KCNMB2: variants seen among roughly 807,000 people sequenced by gnomAD.
KCNMB2 encodes the protein potassium calcium-activated channel subfamily M regulatory beta subunit 2.
Under a neutral mutation model 24.5 loss-of-function variants are expected in KCNMB2, and 9 were observed. The observed-to-expected ratio is 0.37, with a 90% CI of 0.22 to 0.64. The LOEUF (loss-of-function observed/expected upper bound fraction) is 0.64. KCNMB2 is among the 30% of genes least tolerant of loss of function. The pLI is 0.63. For missense variants in KCNMB2, 226 were observed against 284.3 expected, an observed-to-expected ratio of 0.79 and a Z score of 1.47; for synonymous variants, 109 against 104.4, an observed-to-expected ratio of 1.04 and a Z score of -0.27.
Position 178,549,926 on chromosome 3 carries a change from AT to A in KCNMB2, c.-68+13224del, listed in dbSNP as rs201830065. ...ATGTAACTTATAAAAAAGTATGCAT[AT>A]TTTTTTTTCTCTTCAGCTATCTTTC... On this transcript the variant is annotated intron_variant, in intron 1 of 4. Coordinates refer to ENST00000452583, the MANE Select transcript of KCNMB2 (RefSeq NM_181361.3). Among the ~76,000 whole-genome samples, 613 of 151,264 alleles carry A rather than the reference AT, an allele frequency of 4.1e-3. 5 individuals carry two copies. The highest frequency in any genetic ancestry group is 0.014 in the African/African-American group (577 of 41,258).
At chr3:178,790,495 G>A (rs1713278641) in intron 1 of KCNMB2, among the ~76,000 whole-genome samples, 1 of 152,164 alleles carries the variant, frequency 6.6e-6, no homozygotes, top group African/African-American at 2.4e-5. Flanking sequence ...GTTCCTGAAT[G>A]GCATTTCTGG....
At chr3:178,541,270 T>C (rs948613754) in intron 1 of KCNMB2, among the ~76,000 whole-genome samples, 1 of 152,240 alleles carries the variant, frequency 6.6e-6, no homozygotes, top group Non-Finnish European at 1.5e-5. Flanking sequence ...CGATGACTTC[T>C]ATTTCAAAAA....
At chr3:178,715,183 T>C (rs1158233587) in intron 1 of KCNMB2, among the ~76,000 whole-genome samples, 1 of 152,184 alleles carries the variant, frequency 6.6e-6, no homozygotes, top group African/African-American at 2.4e-5. Flanking sequence ...GGGCTGATTA[T>C]TGCCTCATGC....
chr3:178,571,447 G>GAT (rs71181237), intron 1 of KCNMB2, among the ~76,000 whole-genome samples: 3,580 of 90,116 alleles, frequency 0.04, 168 homozygotes, highest in East Asian at 0.054. Context: ...TTTCCTTATG[G>GAT]ATATATATAT....
intron 1 of KCNMB2, among the ~76,000 whole-genome samples, chr3:178,691,738 A>G (rs1721686257): frequency 1.3e-5 from 2 of 152,164 alleles, no homozygotes; most frequent in African/African-American, 4.8e-5. Flanking sequence ...GTGTCTTTAT[A>G]ATAGAACAAT....
chr3:178,538,692 A>G (rs1040395211), intron 1 of KCNMB2, among the ~76,000 whole-genome samples: 82 of 152,202 alleles, frequency 5.4e-4, no homozygotes, highest in African/African-American at 2.0e-3. Context: ...CAGATTGATG[A>G]GGAAAAAGTT....
At chr3:178,774,451 G>C (rs777637289) in intron 1 of KCNMB2, among the ~76,000 whole-genome samples, 10 of 152,172 alleles carry the variant, frequency 6.6e-5, no homozygotes, top group Non-Finnish European at 8.8e-5. Flanking sequence ...TAAATCTAGA[G>C]CAGGTGAGTA....
At chr3:178,646,365 T>C (rs1296224796) in intron 1 of KCNMB2, among the ~76,000 whole-genome samples, 1 of 152,234 alleles carries the variant, frequency 6.6e-6, no homozygotes, top group Non-Finnish European at 1.5e-5. Context: ...CATTAATTTG[T>C]TTCCTCTACA....
chr3:178,682,398 G>T (rs754081679), intron 1 of KCNMB2, among the ~76,000 whole-genome samples: 16 of 151,884 alleles, frequency 1.1e-4, no homozygotes, highest in Non-Finnish European at 2.1e-4. Flanking sequence ...ACAATCACAA[G>T]AACATAATCC....
At chr3:178,673,223 T>G (rs1340285629) in intron 1 of KCNMB2, among the ~76,000 whole-genome samples, 2 of 152,138 alleles carry the variant, frequency 1.3e-5, no homozygotes, top group Non-Finnish European at 2.9e-5. Context: ...GCTTGTACCC[T>G]TCAGTTTATT....
chr3:178,723,592 T>C (rs1315077071), intron 1 of KCNMB2, among the ~76,000 whole-genome samples: 2 of 152,138 alleles, frequency 1.3e-5, no homozygotes, highest in African/African-American at 4.8e-5. Context: ...GTTGCCTAAG[T>C]AGTGAATATA....
chr3:178,578,887 A>G (rs1717094831), intron 1 of KCNMB2, among the ~76,000 whole-genome samples: 1 of 152,148 alleles, frequency 6.6e-6, no homozygotes, highest in Admixed American at 6.6e-5. Flanking sequence ...GTTCTTAGAG[A>G]CCTACAAAGA....
In KCNMB2 at chr3:178,796,267, C is replaced by T. The variant is rs147563210; in HGVS notation, c.-67-11076C>T. ...CACTGGAGCCCCTAGATATAAAAAG[C>T]AAATATTAGAGCTAAAGCAAGAGAT... On this transcript the variant is annotated intron_variant, in intron 1 of 4. Coordinates refer to ENST00000452583, the MANE Select transcript of KCNMB2 (RefSeq NM_181361.3). Among the ~76,000 whole-genome samples the T allele has an allele frequency of 3.5e-3, 533 of 152,108 alleles. 2 individuals carry two copies. The highest frequency in any genetic ancestry group is 0.012 in the African/African-American group (512 of 41,490).
chr3:178,840,107 A>C (rs1715374040), intron 4 of KCNMB2, among the ~76,000 whole-genome samples: 1 of 152,204 alleles, frequency 6.6e-6, no homozygotes, highest in African/African-American at 2.4e-5. Context: ...TCCAAATGGG[A>C]GAAATTGGCT....
chr3:178,554,418 C>T (rs1202346473), intron 1 of KCNMB2, among the ~76,000 whole-genome samples: 1 of 152,142 alleles, frequency 6.6e-6, no homozygotes, highest in Non-Finnish European at 1.5e-5. Flanking sequence ...TCTGGTGTTA[C>T]AGAATTGAAC....
At chr3:178,740,341 C>T (rs1021119726) in intron 1 of KCNMB2, among the ~76,000 whole-genome samples, 2 of 151,950 alleles carry the variant, frequency 1.3e-5, no homozygotes, top group Non-Finnish European at 2.9e-5. Context: ...AGGATGGTCT[C>T]GATCTCCTGA....
At chr3:178,558,183 T>A (rs1015957986) in intron 1 of KCNMB2, among the ~76,000 whole-genome samples, 2 of 151,426 alleles carry the variant, frequency 1.3e-5, no homozygotes, top group African/African-American at 4.8e-5. Context: ...TTAACCCAAG[T>A]CAATTTTAAA....
chr3:178,724,773 T>G (rs1315037901), intron 1 of KCNMB2, among the ~76,000 whole-genome samples: 1 of 152,130 alleles, frequency 6.6e-6, no homozygotes, highest in Admixed American at 6.6e-5. Flanking sequence ...TTTTCCCCAC[T>G]GTTTATTTTT....
In KCNMB2 at chr3:178,622,510, G is replaced by T. The variant is rs532280271; in HGVS notation, c.-68+85799G>T. ...GCTCAAGGTCATATAGTTGATAAAT[G>T]GTAAAGCCAAAGGAAGATCCTGACT... On this transcript the variant is annotated intron_variant, in intron 1 of 4. Coordinates refer to ENST00000452583, the MANE Select transcript of KCNMB2 (RefSeq NM_181361.3). Among the ~76,000 whole-genome samples the T allele has an allele frequency of 2.5e-4, 38 of 152,300 alleles. 1 individual carries two copies. The South Asian group carries it at 7.5e-3, about 30-fold the overall frequency.
Sources: allele counts gnomAD v4.1 joint callset (sites outside exome capture counted in the v4.1 genomes callset), GRCh38; gene constraint gnomAD v4.1.1; transcripts MANE v1.5; gene names NCBI Gene and HGNC (gene_info 2026-07-23, HGNC 2026-07-21).